NPTX1: variants seen among roughly 807,000 people sequenced by gnomAD.
The protein encoded by NPTX1 is neuronal pentraxin-1.
A neutral mutation model predicts 38.7 loss-of-function variants in NPTX1; 12 were observed. The ratio of observed to expected loss-of-function variants is 0.31; its 90% CI spans 0.20 to 0.50. The LOEUF (loss-of-function observed/expected upper bound fraction) is 0.50, where lower values mean the gene tolerates loss of function less well. Among genes scored for constraint, NPTX1 ranks in the 20% least tolerant of loss-of-function variants. The pLI, the probability that NPTX1 is intolerant of heterozygous loss-of-function variation, is 0.98. For missense variants in NPTX1, 454 were observed against 592.2 expected (o/e 0.77, Z 2.42); for synonymous variants, 272 against 264.9 (o/e 1.03, Z -0.26).
At position 80,466,877 on chromosome 17, in the gene NPTX1, C is replaced by A. The variant is rs1189995901; in HGVS notation, c.*3936G>T. 1.4e-5 allele frequency among the ~76,000 whole-genome samples: 2 copies of A among 144,360 alleles called. No homozygotes were observed. The highest frequency in any genetic ancestry group is 5.1e-5 in the African/African-American group (2 of 38,978). The allele number at this position is 144,360 out of a possible 152,430, so 94.7% of individuals were successfully genotyped here. On this transcript the variant is annotated 3_prime_UTR_variant, in exon 5 of 5. Coordinates refer to ENST00000306773, the MANE Select transcript of NPTX1 (RefSeq NM_002522.4). ...CTGTGTAAAAATAAACTCAACAATT[C>A]ATGTCATTTCAGCAAGAAAATGAAA...
In NPTX1 at chr17:80,476,454, G is replaced by A. The variant is rs1447505681; in HGVS notation, c.-8C>T. 4 of 1,246,598 alleles carry A rather than the reference G, an allele frequency of 3.2e-6. No homozygotes were observed. Among genetic ancestry groups the A allele is most frequent in the South Asian group, 3.1e-5 (1 of 31,784 alleles). 77.2% of individuals were successfully genotyped at this position (1,246,598 alleles called of 1,614,324 possible). A position where few individuals can be genotyped will look rare whatever the true frequency, so the allele number is the denominator to read the frequency against. On this transcript the variant is annotated 5_prime_UTR_variant, in exon 1 of 5. Coordinates refer to ENST00000306773, the MANE Select transcript of NPTX1 (RefSeq NM_002522.4). This position sits in a 1 kb window ranked among gnomAD's most constrained non-coding sequence, Gnocchi z 6.3. ...GGCGCGGCCGGCCGGCATGGCTGCG[G>A]GCACCGGGCGCTCCGGGCCCGGCTC...
Position 80,470,294 on chromosome 17 carries a change from T to A in NPTX1, c.*519A>T, listed in dbSNP as rs1466744163. ...TTTATTACATCAATATAAAGATATGTCGCTCTGAGAAAGGTTTGCAAACAA... is the reference window on the plus strand; with the variant it reads ...TTTATTACATCAATATAAAGATATGACGCTCTGAGAAAGGTTTGCAAACAA... On this transcript the variant is annotated 3_prime_UTR_variant, in exon 5 of 5. Coordinates refer to ENST00000306773, the MANE Select transcript of NPTX1 (RefSeq NM_002522.4). 6.6e-6 allele frequency: 1 copy of A among 152,486 alleles called. No homozygotes were observed. The highest frequency in any genetic ancestry group is 1.5e-5 in the Non-Finnish European group (1 of 68,256). The allele number at this position is 152,486 out of a possible 1,614,324, so 9.4% of individuals were successfully genotyped here.
At chr17:80,473,479 G>A (rs376460721) in intron 2 of NPTX1, 35 bp from the exon 3 acceptor site, 22 of 1,608,786 alleles carry the variant, frequency 1.4e-5, no homozygotes, top group South Asian at 4.4e-5. Flanking sequence ...CTGCACCTGC[G>A]TGAAGTGCTT....
Position 80,475,857 on chromosome 17 carries a change from C to A in NPTX1, c.445-139G>T. On this transcript the variant is annotated intron_variant, in intron 1 of 4. Transcript: ENST00000306773. The surrounding 1 kb of genome is among the most constrained non-coding windows in gnomAD (Gnocchi z 6.5). ...GCTGGGGCGAGTGGCCGCCGCGGGG[C>A]CTCGCAGGCGCGGGGAGGCACCGGC... 1.2e-6 allele frequency: 1 copy of A among 839,148 alleles called. No individual in the cohort carries two copies. The highest frequency in any genetic ancestry group is 1.8e-5 in the African/African-American group (1 of 54,894). 52.0% of individuals were successfully genotyped at this position (839,148 alleles called of 1,614,324 possible).
At chr17:80,473,147 C>G in intron 3 of NPTX1, 53 bp downstream of exon 3, 1 of 1,585,088 alleles carries the variant, frequency 6.3e-7, no homozygotes, top group Non-Finnish European at 8.6e-7. Flanking sequence ...GCAACATGAG[C>G]TGGGGCCCTG....
Position 80,470,719 on chromosome 17 carries a change from TC to T in NPTX1, c.*93del. Reference sequence around the variant, plus strand: ...TGCAGGGGCGACGGCCTCGGTTCATTCCTGGGGAAAAGGGAGAGAAGAGACG... The same window carrying T: ...TGCAGGGGCGACGGCCTCGGTTCATTCTGGGGAAAAGGGAGAGAAGAGACG... On this transcript the variant is annotated 3_prime_UTR_variant, in exon 5 of 5. Coordinates refer to ENST00000306773, the MANE Select transcript of NPTX1 (RefSeq NM_002522.4). 1.1e-6 allele frequency: 1 copy of T among 931,968 alleles called. No individual in the cohort carries two copies. The highest frequency in any genetic ancestry group is 1.6e-5 in the South Asian group (1 of 62,846). The allele number at this position is 931,968 out of a possible 1,614,324, so 57.7% of individuals were successfully genotyped here.
In NPTX1 at chr17:80,475,554, G is replaced by T. The variant is rs1382813211; in HGVS notation, c.609C>A (p.Thr203=). 6.2e-7 allele frequency: 1 copy of T among 1,612,814 alleles called. No individual in the cohort carries two copies. Among genetic ancestry groups the T allele is most frequent in the Non-Finnish European group, 8.5e-7 (1 of 1,179,890 alleles). ...TCCGCTGGTGCAGGGAGGTCAGGGC[G>T]GTCTCGATCTTGACCCTCTCCTCGG... ...NDTEERVKIE[T]ALTSLHQRIS... is the part of the protein sequence containing the mutation. Residue 203 remains threonine (T), a synonymous_variant, in exon 2 of 5, where the codon ACC becomes ACA. Transcript: ENST00000306773. This position sits in a 1 kb window ranked among gnomAD's most constrained non-coding sequence, Gnocchi z 6.5.
chr17:80,473,050 A>C, intron 3 of NPTX1, 150 bp downstream of exon 3: 4 of 849,668 alleles, frequency 4.7e-6, no homozygotes, highest in Non-Finnish European at 5.4e-6. Context: ...CCTGGTCTTC[A>C]CCCTCCCCCT....
intron 4 of NPTX1, among the ~76,000 whole-genome samples, 181 bp from the exon 5 acceptor site, chr17:80,471,215 G>A (rs28364734): frequency 0.32 from 48,871 of 151,988 alleles, 8,616 homozygotes; most frequent in Admixed American, 0.47. Flanking sequence ...CCTCCTCTGG[G>A]GGAGCCCAAG....
chr17:80,475,818 C>T lies in NPTX1; in HGVS notation c.445-100G>A. On this transcript the variant is annotated intron_variant, in intron 1 of 4. Transcript: ENST00000306773. This position sits in a 1 kb window ranked among gnomAD's most constrained non-coding sequence, Gnocchi z 6.5. ...GGTCCCCTCTGGGCGACTGCGGGGG[C>T]GGCCTGGCAGGGAGCTGGGGCGAGT... is the stretch of plus-strand genomic sequence containing the variant. 3.9e-6 allele frequency: 4 copies of T among 1,022,060 alleles called. No individual in the cohort carries two copies. Among genetic ancestry groups the T allele is most frequent in the South Asian group, 1.7e-5 (1 of 59,856 alleles). The allele number at this position is 1,022,060 out of a possible 1,614,324, so 63.3% of individuals were successfully genotyped here. A position where few individuals can be genotyped will look rare whatever the true frequency, so the allele number is the denominator to read the frequency against.
rs2083823692 is a variant in NPTX1, at chr17:80,469,094, A to G, written c.*1719T>C. On this transcript the variant is annotated 3_prime_UTR_variant, in exon 5 of 5. Coordinates refer to ENST00000306773, the MANE Select transcript of NPTX1 (RefSeq NM_002522.4). ...ACTGACAGACACACACAGATGCACT[A>G]GGTTCTTGACACAACGTGGACCTGT... The G allele has an allele frequency of 6.6e-6, 1 of 152,478 alleles. No homozygotes were observed. 9.4% of individuals were successfully genotyped at this position (152,478 alleles called of 1,614,324 possible). A position where few individuals can be genotyped will look rare whatever the true frequency, so the allele number is the denominator to read the frequency against.
rs975080865 is a variant in NPTX1, at chr17:80,469,355, GCT to G, written c.*1456_*1457del. 1.1e-4 allele frequency: 16 copies of G among 152,124 alleles called. No individual in the cohort carries two copies. The South Asian group carries it at 2.1e-3, about 20-fold the overall frequency. 9.4% of individuals were successfully genotyped at this position (152,124 alleles called of 1,614,324 possible). On this transcript the variant is annotated 3_prime_UTR_variant, in exon 5 of 5. Coordinates refer to ENST00000306773, the MANE Select transcript of NPTX1 (RefSeq NM_002522.4). ...ACCCTGGGCAGGGCCTCCCGAGCCT[GCT>G]CTCTTTCTCACTTAGCGCACACACA...
At chr17:80,473,098 C>T (rs2083851628) in intron 3 of NPTX1, 102 bp downstream of exon 3, 1 of 1,438,552 alleles carries the variant, frequency 7.0e-7, no homozygotes, top group Non-Finnish European at 9.3e-7. Flanking sequence ...CCTTGGGGCC[C>T]CATCAACATC....
In NPTX1 at chr17:80,467,931, G is replaced by A. The variant is rs1268287919; in HGVS notation, c.*2882C>T. On this transcript the variant is annotated 3_prime_UTR_variant, in exon 5 of 5. Coordinates refer to ENST00000306773, the MANE Select transcript of NPTX1 (RefSeq NM_002522.4). ...GGATCTAAGCCCCTGAGGGCCCGGA[G>A]AGCTTCTGTCAACAGCTCTCCCACC... 6.6e-6 allele frequency: 1 copy of A among 152,622 alleles called. No homozygotes were observed. The highest frequency in any genetic ancestry group is 1.5e-5 in the Non-Finnish European group (1 of 68,046). The allele number at this position is 152,622 out of a possible 1,614,324, so 9.5% of individuals were successfully genotyped here.
In NPTX1 at chr17:80,475,378, G is replaced by A. The variant is rs978107252; in HGVS notation, c.652+133C>T. 3.1e-6 allele frequency: 2 copies of A among 648,974 alleles called. No homozygotes were observed. The highest frequency in any genetic ancestry group is 2.0e-5 in the South Asian group (1 of 49,780). 40.2% of individuals were successfully genotyped at this position (648,974 alleles called of 1,614,324 possible). On this transcript the variant is annotated intron_variant, in intron 2 of 4. Transcript: ENST00000306773. The surrounding 1 kb of genome is among the most constrained non-coding windows in gnomAD (Gnocchi z 6.5). ...GAAGGGGTGCGGGGAATGAGAAAGC[G>A]GTGCAGGGGTTGGGGGTAGCGGAGC...
intron 4 of NPTX1, 26 bp from the exon 5 acceptor site, chr17:80,471,060 G>T: frequency 1.9e-6 from 3 of 1,549,348 alleles, no homozygotes; most frequent in Admixed American, 1.8e-5. Context: ...GAGGATGAGA[G>T]TGGAGGGGTC....
chr17:80,470,703 GA>G lies in NPTX1; in HGVS notation c.*109del, dbSNP rs1274439685. 1.3e-6 allele frequency: 1 copy of G among 768,700 alleles called. No homozygotes were observed. Among genetic ancestry groups the G allele is most frequent in the African/African-American group, 1.7e-5 (1 of 57,962 alleles). The allele number at this position is 768,700 out of a possible 1,614,324, so 47.6% of individuals were successfully genotyped here. A position where few individuals can be genotyped will look rare whatever the true frequency, so the allele number is the denominator to read the frequency against. ...TGTGTGCGTGTGCGTGTGCAGGGGCGACGGCCTCGGTTCATTCCTGGGGAAA... is the reference window on the plus strand; with the variant it reads ...TGTGTGCGTGTGCGTGTGCAGGGGCGCGGCCTCGGTTCATTCCTGGGGAAA... On this transcript the variant is annotated 3_prime_UTR_variant, in exon 5 of 5. Coordinates refer to ENST00000306773, the MANE Select transcript of NPTX1 (RefSeq NM_002522.4).
In NPTX1 at chr17:80,473,383, A is replaced by G. The variant is rs756916062; in HGVS notation, c.714T>C (p.Tyr238=). ...GGCTCTTCTTCACCTTGGCATACAT[A>G]TAGTTGGTCCGCAGTGGGAATGTGA... is the stretch of plus-strand genomic sequence containing the variant. The part of the protein sequence containing the change: ...FQLTFPLRTN[Y]MYAKVKKSLP... The change falls in exon 3 of 5, where the codon TAT becomes TAC. Residue 238 remains tyrosine, a synonymous_variant. Transcript: ENST00000306773. 4 of 1,613,980 alleles carry G rather than the reference A, an allele frequency of 2.5e-6. No individual in the cohort carries two copies. Among genetic ancestry groups the G allele is most frequent in the East Asian group, 2.2e-5 (1 of 44,870 alleles).
In NPTX1 at chr17:80,471,859, A is replaced by G. The variant is rs2083844209; in HGVS notation, c.950T>C (p.Val317Ala). The G allele has an allele frequency of 1.2e-6, 2 of 1,613,546 alleles. No individual in the cohort carries two copies. The highest frequency in any genetic ancestry group is 2.7e-5 in the African/African-American group (2 of 74,946). The change falls in exon 4 of 5, where the codon GTC becomes GCC. Residue 317 changes from valine to alanine, a missense_variant. Physicochemically the swap from Val to Ala is moderately conservative, Grantham distance 64. Coordinates refer to ENST00000306773, the MANE Select transcript of NPTX1 (RefSeq NM_002522.4). ...GACCCCGTCCCGGGTGGTCCAGGTG[A>G]CACAGATGTGGTGCCACTTGCCATC... is the stretch of plus-strand genomic sequence containing the variant. ...INDGKWHHIC[V>A]TWTTRDGVWE...
Sources: gnomAD v4.1 joint callset for allele counts (sites outside exome capture counted in the v4.1 genomes callset) on GRCh38, gnomAD v4.1.1 for gene constraint, Gnocchi (gnomAD v3.1) non-coding constraint, MANE v1.5 for transcripts, NCBI Gene and HGNC (gene_info 2026-07-23, HGNC 2026-07-21) for gene names.